Variants in H3C7 observed in about 807,000 individuals in gnomAD.
H3C7 encodes histone H3.1.
Under a neutral mutation model 7.6 loss-of-function variants are expected in H3C7, and 6 were observed. The observed-to-expected ratio is 0.79, with a 90% CI of 0.43 to 1.56. H3C7 has a LOEUF of 1.56. Ranked by LOEUF, H3C7 falls within the 40% of genes most tolerant of loss-of-function variation. H3C7 has a pLI of 0.01. For synonymous variants in H3C7, 113 were observed against 77.9 expected, an observed-to-expected ratio of 1.45 and a Z score of -2.38; for missense variants, 163 against 189.8, an observed-to-expected ratio of 0.86 and a Z score of 0.83.
Position 26,250,397 on chromosome 6 carries a change from C to T in H3C7, c.209G>A (p.Arg70His). The stretch of plus-strand genomic sequence containing the variant: ...GTCCTGCGCGATCTCACGTACCAGA[C>T]GCTGGAATGGTAGCTTGCGAATCAG... ...ELLIRKLPFQ[R>H]LVREIAQDFK... The change falls in exon 1 of 1, where the codon CGT becomes CAT. Residue 70 changes from arginine to histidine, a missense_variant. Around this residue, in one of 2 missense-constraint regions of H3C7, gnomAD observed 111 missense variants for 104.1 expected, o/e 1.07. Transcript: ENST00000618052. The T allele has an allele frequency of 1.2e-6, 2 of 1,614,214 alleles. No homozygotes were observed. The highest frequency in any genetic ancestry group is 1.1e-5 in the South Asian group (1 of 91,084).
In H3C7 at chr6:26,250,635, T is replaced by A. The variant is rs1760047320; in HGVS notation, c.-30A>T. 6.3e-7 allele frequency: 1 copy of A among 1,593,538 alleles called. No homozygotes were observed. Among genetic ancestry groups the A allele is most frequent in the African/African-American group, 1.4e-5 (1 of 73,350 alleles). ...ATGGGTTTCAAGCAATGGTCACAAC[T>A]GAACAAACAGTTGTTCTTACTCCTA... On this transcript the variant is annotated 5_prime_UTR_variant, in exon 1 of 1. Transcript: ENST00000618052.
At position 26,250,303 on chromosome 6, in the gene H3C7, C is replaced by A. The variant is rs377294195; in HGVS notation, c.303G>T (p.Leu101=). The change falls in exon 1 of 1, where the codon CTG becomes CTT. Residue 101 remains leucine (L), a synonymous_variant. Coordinates refer to ENST00000618052, the MANE Select transcript of H3C7 (RefSeq NM_021018.3). ...MALQEACEAY[L]VGLFEDTNLC... is the part of the protein sequence containing the mutation. ...GGTTGGTGTCCTCAAAGAGCCCCAC[C>A]AGGTAAGCCTCGCAGGCCTCCTGCA... 1 of 1,614,140 alleles carries A rather than the reference C, an allele frequency of 6.2e-7. No individual in the cohort carries two copies. Among genetic ancestry groups the A allele is most frequent in the African/African-American group, 1.3e-5 (1 of 74,942 alleles).
Position 26,250,183 on chromosome 6 carries a change from C to A in H3C7, c.*12G>T, listed in dbSNP as rs374954796. 1.0e-4 allele frequency: 162 copies of A among 1,614,008 alleles called. No individual in the cohort carries two copies. The highest frequency in any genetic ancestry group is 9.5e-4 in the Admixed American group (57 of 59,962). ...GCCTTTGGTTTAAGTTGGCGCACAC[C>A]CTCAGTACAACTTATGCCCTCTCTC... On this transcript the variant is annotated 3_prime_UTR_variant, in exon 1 of 1. Transcript: ENST00000618052.
Position 26,250,356 on chromosome 6 carries a change from G to A in H3C7, c.250C>T (p.Arg84Cys). The A allele has an allele frequency of 6.2e-7, 1 of 1,614,206 alleles. No individual in the cohort carries two copies. ...GCCATCACAGCCGAGCTCTGGAAGC[G>A]CAGGTCGGTCTTGAAGTCCTGCGCG... ...EIAQDFKTDL[R>C]FQSSAVMALQ... is the part of the protein sequence containing the mutation. Residue 84 changes from arginine (R) to cysteine (C), a missense_variant, in exon 1 of 1, where the codon CGC (arginine) becomes TGC (cysteine). This residue lies in a region of H3C7 where 111 missense variants were observed against 104.1 expected (regional missense o/e 1.07). Coordinates refer to ENST00000618052, the MANE Select transcript of H3C7 (RefSeq NM_021018.3).
chr6:26,250,180 C>T lies in H3C7; in HGVS notation c.*15G>A. The T allele has an allele frequency of 1.2e-6, 2 of 1,613,342 alleles. No individual in the cohort carries two copies. Among genetic ancestry groups the T allele is most frequent in the Non-Finnish European group, 8.5e-7 (1 of 1,179,758 alleles). ...AGAGCCTTTGGTTTAAGTTGGCGCACACCCTCAGTACAACTTATGCCCTCT... is the reference window on the plus strand; with the variant it reads ...AGAGCCTTTGGTTTAAGTTGGCGCATACCCTCAGTACAACTTATGCCCTCT... On this transcript the variant is annotated 3_prime_UTR_variant, in exon 1 of 1. Coordinates refer to ENST00000618052, the MANE Select transcript of H3C7 (RefSeq NM_021018.3).
chr6:26,250,456 A>C lies in H3C7; in HGVS notation c.150T>G (p.Arg50=). The C allele has an allele frequency of 5.6e-6, 9 of 1,614,188 alleles. No homozygotes were observed. Among genetic ancestry groups the C allele is most frequent in the Non-Finnish European group, 7.6e-6 (9 of 1,180,020 alleles). The change falls in exon 1 of 1, where the codon CGT becomes CGG. Residue 50 remains arginine, a synonymous_variant. Coordinates refer to ENST00000618052, the MANE Select transcript of H3C7 (RefSeq NM_021018.3). The stretch of plus-strand genomic sequence containing the variant: ...TCGATTTCTGATAGCGGCGGATTTC[A>C]CGGAGGGCGACAGTACCAGGCCTGT... The part of the protein sequence containing the change: ...HRYRPGTVAL[R]EIRRYQKSTE...
chr6:26,250,178 C>T lies in H3C7; in HGVS notation c.*17G>A. ...AAAGAGCCTTTGGTTTAAGTTGGCG[C>T]ACACCCTCAGTACAACTTATGCCCT... On this transcript the variant is annotated 3_prime_UTR_variant, in exon 1 of 1. Coordinates refer to ENST00000618052, the MANE Select transcript of H3C7 (RefSeq NM_021018.3). The T allele has an allele frequency of 1.2e-6, 2 of 1,613,418 alleles. No individual in the cohort carries two copies. The highest frequency in any genetic ancestry group is 1.7e-6 in the Non-Finnish European group (2 of 1,179,768).
In H3C7 at chr6:26,250,432, C is replaced by T. The variant is rs747709809; in HGVS notation, c.174G>A (p.Ser58=). 6.2e-7 allele frequency: 1 copy of T among 1,614,136 alleles called. No individual in the cohort carries two copies. Among genetic ancestry groups the T allele is most frequent in the Non-Finnish European group, 8.5e-7 (1 of 1,180,020 alleles). Residue 58 remains serine, a synonymous_variant, in exon 1 of 1, where the codon TCG becomes TCA. Transcript: ENST00000618052. ...ALREIRRYQK[S]TELLIRKLPF... The stretch of plus-strand genomic sequence containing the variant: ...GTAGCTTGCGAATCAGTAGCTCAGT[C>T]GATTTCTGATAGCGGCGGATTTCAC...
Position 26,250,496 on chromosome 6 carries a change from T to C in H3C7, c.110A>G (p.Lys37Arg), listed in dbSNP as rs1485980644. Residue 37 changes from lysine to arginine, a missense_variant, in exon 1 of 1, where the codon AAG (lysine) becomes AGG (arginine). This residue lies in a region of H3C7 where 52 missense variants were observed against 85.7 expected (regional missense o/e 0.61). Transcript: ENST00000618052. The stretch of plus-strand genomic sequence containing the variant: ...ACCAGGCCTGTAGCGGTGGGGCTTC[T>C]TCACGCCACCGGTGGCTGGCGCGCT... ...RKSAPATGGV[K>R]KPHRYRPGTV... 1 of 1,614,082 alleles carries C rather than the reference T, an allele frequency of 6.2e-7. No individual in the cohort carries two copies. The highest frequency in any genetic ancestry group is 8.5e-7 in the Non-Finnish European group (1 of 1,179,996).
At position 26,250,555 on chromosome 6, in the gene H3C7, C is replaced by G. The variant is rs781049383; in HGVS notation, c.51G>C (p.Pro17=). ...TARKSTGGKA[P]RKQLATKAAR... ...CCGCCTTAGTGGCCAGCTGCTTGCG[C>G]GGGGCTTTGCCGCCAGTGGACTTAC... The change falls in exon 1 of 1, where the codon CCG becomes CCC. Residue 17 remains proline, a synonymous_variant. Transcript: ENST00000618052. 6.2e-7 allele frequency: 1 copy of G among 1,613,648 alleles called. No homozygotes were observed. Among genetic ancestry groups the G allele is most frequent in the Non-Finnish European group, 8.5e-7 (1 of 1,179,958 alleles).
chr6:26,250,423 T>A lies in H3C7; in HGVS notation c.183A>T (p.Leu61=). ...GCTGGAATGGTAGCTTGCGAATCAG[T>A]AGCTCAGTCGATTTCTGATAGCGGC... ...EIRRYQKSTE[L]LIRKLPFQRL... is the part of the protein sequence containing the mutation. The change falls in exon 1 of 1, where the codon CTA becomes CTT. Residue 61 remains leucine, a synonymous_variant. Transcript: ENST00000618052. The A allele has an allele frequency of 6.2e-7, 1 of 1,614,156 alleles. No individual in the cohort carries two copies. The highest frequency in any genetic ancestry group is 8.5e-7 in the Non-Finnish European group (1 of 1,180,022).
Position 26,250,608 on chromosome 6 carries a change from G to A in H3C7, c.-3C>T, listed in dbSNP as rs773529243. The A allele has an allele frequency of 1.2e-6, 2 of 1,610,982 alleles. No individual in the cohort carries two copies. Among genetic ancestry groups the A allele is most frequent in the African/African-American group, 1.3e-5 (1 of 74,658 alleles). ...GCTGTTTGCTTCGTGCGTGCCATAG[G>A]AATGGGTTTCAAGCAATGGTCACAA... On this transcript the variant is annotated 5_prime_UTR_variant, in exon 1 of 1. Transcript: ENST00000618052.
In H3C7 at chr6:26,250,623, A is replaced by C; in HGVS notation, c.-18T>G. 4 of 1,608,520 alleles carry C rather than the reference A, an allele frequency of 2.5e-6. No individual in the cohort carries two copies. The highest frequency in any genetic ancestry group is 3.4e-6 in the Non-Finnish European group (4 of 1,178,546). ...CGTGCCATAGGAATGGGTTTCAAGC[A>C]ATGGTCACAACTGAACAAACAGTTG... On this transcript the variant is annotated 5_prime_UTR_variant, in exon 1 of 1. The change creates a new upstream start codon in the 5' untranslated region. Transcript: ENST00000618052.
At position 26,250,630 on chromosome 6, in the gene H3C7, A is replaced by G; in HGVS notation, c.-25T>C. 1 of 1,595,530 alleles carries G rather than the reference A, an allele frequency of 6.3e-7. No individual in the cohort carries two copies. Among genetic ancestry groups the G allele is most frequent in the Non-Finnish European group, 8.5e-7 (1 of 1,174,752 alleles). ...TAGGAATGGGTTTCAAGCAATGGTCACAACTGAACAAACAGTTGTTCTTAC... is the reference window on the plus strand; with the variant it reads ...TAGGAATGGGTTTCAAGCAATGGTCGCAACTGAACAAACAGTTGTTCTTAC... On this transcript the variant is annotated 5_prime_UTR_variant, in exon 1 of 1. Transcript: ENST00000618052.
chr6:26,250,271 G>C lies in H3C7; in HGVS notation c.335C>G (p.Ala112Gly), dbSNP rs1179857080. The C allele has an allele frequency of 1.9e-6, 3 of 1,614,108 alleles. No individual in the cohort carries two copies. Among genetic ancestry groups the C allele is most frequent in the African/African-American group, 1.3e-5 (1 of 74,936 alleles). The change falls in exon 1 of 1, where the codon GCT becomes GGT. Residue 112 changes from alanine to glycine, a missense_variant. By Grantham distance (60) the Ala-to-Gly change is moderately conservative. Around this residue, in one of 2 missense-constraint regions of H3C7, gnomAD observed 111 missense variants for 104.1 expected, o/e 1.07. Transcript: ENST00000618052. Reference sequence around the variant, plus strand: ...GATAGTCACTCGCTTGGCGTGGATAGCACACAGGTTGGTGTCCTCAAAGAG... The same window carrying C: ...GATAGTCACTCGCTTGGCGTGGATACCACACAGGTTGGTGTCCTCAAAGAG... ...VGLFEDTNLC[A>G]IHAKRVTIMP... is the part of the protein sequence containing the mutation.
Position 26,250,624 on chromosome 6 carries a change from A to G in H3C7, c.-19T>C, listed in dbSNP as rs751081057. 1.2e-5 allele frequency: 20 copies of G among 1,608,484 alleles called. No individual in the cohort carries two copies. The highest frequency in any genetic ancestry group is 2.2e-5 in the South Asian group (2 of 90,556). ...GTGCCATAGGAATGGGTTTCAAGCA[A>G]TGGTCACAACTGAACAAACAGTTGT... On this transcript the variant is annotated 5_prime_UTR_variant, in exon 1 of 1. Coordinates refer to ENST00000618052, the MANE Select transcript of H3C7 (RefSeq NM_021018.3).
At position 26,250,612 on chromosome 6, in the gene H3C7, G is replaced by A; in HGVS notation, c.-7C>T. 10 of 1,610,568 alleles carry A rather than the reference G, an allele frequency of 6.2e-6. No homozygotes were observed. The highest frequency in any genetic ancestry group is 1.3e-5 in the African/African-American group (1 of 74,636). ...TTTGCTTCGTGCGTGCCATAGGAAT[G>A]GGTTTCAAGCAATGGTCACAACTGA... On this transcript the variant is annotated 5_prime_UTR_variant, in exon 1 of 1. Coordinates refer to ENST00000618052, the MANE Select transcript of H3C7 (RefSeq NM_021018.3).
Position 26,250,166 on chromosome 6 carries a change from T to C in H3C7, c.*29A>G, listed in dbSNP as rs780161120. ...TGGTGGCTCTGAAAAGAGCCTTTGG[T>C]TTAAGTTGGCGCACACCCTCAGTAC... On this transcript the variant is annotated 3_prime_UTR_variant, in exon 1 of 1. Coordinates refer to ENST00000618052, the MANE Select transcript of H3C7 (RefSeq NM_021018.3). 4.3e-6 allele frequency: 7 copies of C among 1,612,008 alleles called. No homozygotes were observed. The highest frequency in any genetic ancestry group is 5.1e-6 in the Non-Finnish European group (6 of 1,179,204).
In H3C7 at chr6:26,250,509, T is replaced by C; in HGVS notation, c.97A>G (p.Thr33Ala). The change falls in exon 1 of 1, where the codon ACC becomes GCC. Residue 33 changes from threonine to alanine, a missense_variant. Around this residue, in one of 2 missense-constraint regions of H3C7, gnomAD observed 52 missense variants for 85.7 expected, o/e 0.61. Transcript: ENST00000618052. The part of the protein sequence containing the change: ...TKAARKSAPA[T>A]GGVKKPHRYR... ...CGGTGGGGCTTCTTCACGCCACCGGTGGCTGGCGCGCTTTTGCGAGCCGCC... is the reference window on the plus strand; with the variant it reads ...CGGTGGGGCTTCTTCACGCCACCGGCGGCTGGCGCGCTTTTGCGAGCCGCC... 1 of 1,614,058 alleles carries C rather than the reference T, an allele frequency of 6.2e-7. No individual in the cohort carries two copies. Among genetic ancestry groups the C allele is most frequent in the Non-Finnish European group, 8.5e-7 (1 of 1,179,992 alleles).
Sources: allele counts gnomAD v4.1 joint callset, GRCh38; gene constraint gnomAD v4.1.1; regional missense constraint gnomAD v4.1.1; transcripts MANE v1.5; gene names NCBI Gene and HGNC (gene_info 2026-07-23, HGNC 2026-07-21).